The following CEP95 variants were observed in gnomAD, a reference collection of about 807,000 sequenced individuals.
CEP95 encodes centrosomal protein of 95 kDa.
In CEP95, 98 loss-of-function variants were observed where a neutral mutation model predicts 111.2. The observed-to-expected ratio is 0.88, with a 90% confidence interval of 0.75 to 1.04. CEP95 has a LOEUF of 1.04. Ranked by LOEUF, CEP95 falls within the 50% of genes least tolerant of loss-of-function variation. The pLI, the probability that CEP95 is intolerant of heterozygous loss-of-function variation, is 0.00. For missense variants in CEP95, 1,027 were observed against 977.2 expected, an observed-to-expected ratio of 1.05 and a Z score of -0.68; for synonymous variants, 323 against 327.1, an observed-to-expected ratio of 0.99 and a Z score of 0.14.
intron 1 of CEP95, chr17:64,508,319 A>G (rs573643647): frequency 2.0e-6 from 2 of 998,416 alleles, no homozygotes; most frequent in South Asian, 4.7e-5. Context: ...GTAACTTAAG[A>G]TTTTAGGCTG....
In CEP95 at chr17:64,508,036, A is replaced by G. The variant is rs1341872467; in HGVS notation, c.20-556A>G. 5 of 985,258 alleles carry G rather than the reference A, an allele frequency of 5.1e-6. No individual in the cohort carries two copies. In the East Asian group the frequency reaches 4.5e-4, roughly 89 times the overall value. The allele number at this position is 985,258 out of a possible 1,614,324, so 61.0% of individuals were successfully genotyped here. A position where few individuals can be genotyped will look rare whatever the true frequency, so the allele number is the denominator to read the frequency against. On this transcript the variant is annotated intron_variant, in intron 1 of 19. Coordinates refer to ENST00000556440, the MANE Select transcript of CEP95 (RefSeq NM_138363.3). ...CATATAGATCGATATAATAAAAAAG[A>G]AAAACTAACAAATGCATTACCGTTG...
intron 13 of CEP95, among the ~76,000 whole-genome samples, chr17:64,531,605 T>C (rs1361646719): frequency 2.0e-5 from 3 of 152,126 alleles, no homozygotes; most frequent in Admixed American, 1.3e-4. Flanking sequence ...AAAAGATTAA[T>C]AGTGGTTGTA....
intron 17 of CEP95, 65 bp from the exon 18 acceptor site, chr17:64,536,537 A>G (rs1467055035): frequency 1.7e-6 from 2 of 1,175,026 alleles, no homozygotes; most frequent in Non-Finnish European, 1.2e-6. Flanking sequence ...TACAATCAGT[A>G]TATACCTCTA....
At chr17:64,507,644 T>A (rs1182829632) in intron 1 of CEP95, 1 of 988,172 alleles carries the variant, frequency 1.0e-6, no homozygotes, top group Non-Finnish European at 1.2e-6. Context: ...TTAATTTGGT[T>A]GTCTAGGACG....
intron 7 of CEP95, 115 bp downstream of exon 7, chr17:64,521,642 A>G (rs1042920194): frequency 2.4e-6 from 2 of 849,718 alleles, no homozygotes; most frequent in South Asian, 4.7e-5. Flanking sequence ...TTGGTCTTAC[A>G]TGATCTTACT....
chr17:64,532,781 G>A, intron 14 of CEP95, 58 bp from the exon 15 acceptor site: 3 of 1,556,530 alleles, frequency 1.9e-6, no homozygotes, highest in East Asian at 4.5e-5. Context: ...TACCAGGGAT[G>A]TTGGATGACA....
At chr17:64,514,595 A>G (rs927025687) in intron 4 of CEP95, 7 of 416,606 alleles carry the variant, frequency 1.7e-5, no homozygotes, top group African/African-American at 4.1e-5. Flanking sequence ...AAACTAATTT[A>G]TACTAGAAAG....
At chr17:64,526,006 A>G in intron 9 of CEP95, 65 bp from the exon 10 acceptor site, 2 of 1,553,376 alleles carry the variant, frequency 1.3e-6, no homozygotes, top group Non-Finnish European at 1.7e-6. Flanking sequence ...TACGTATTAC[A>G]GTTATTTTAA....
chr17:64,518,557 T>A (rs1400795662), intron 5 of CEP95, among the ~76,000 whole-genome samples: 1 of 152,252 alleles, frequency 6.6e-6, no homozygotes, highest in African/African-American at 2.4e-5. Flanking sequence ...TTGATTGCAC[T>A]TCTTGCTAAC....
rs1555674497 is a variant in CEP95 at position 64,510,234 on chromosome 17, T to C, written c.210T>C (p.Asp70=). 6.2e-7 allele frequency: 1 copy of C among 1,612,110 alleles called. No individual in the cohort carries two copies. The highest frequency in any genetic ancestry group is 1.7e-5 in the Admixed American group (1 of 59,836). ...DDAHNVQAVI[D]SLALDYLQVS... is the part of the protein sequence containing the mutation. The stretch of plus-strand genomic sequence containing the variant: ...CACACAATGTACAAGCAGTAATTGA[T>C]TCACTGGCCTTGGACTACTTGCAGG... Residue 70 remains aspartate, a synonymous_variant, in exon 3 of 20, where the codon GAT becomes GAC. Coordinates refer to ENST00000556440, the MANE Select transcript of CEP95 (RefSeq NM_138363.3).
chr17:64,535,688 T>G (rs1968602882), intron 17 of CEP95: 1 of 152,074 alleles, frequency 6.6e-6, no homozygotes, highest in Non-Finnish European at 1.5e-5. Flanking sequence ...CCTCAGAAGG[T>G]TACCAAAAGG....
rs574499271 is a variant in CEP95 at position 64,537,584 on chromosome 17, A to T, written c.2290-19A>T. On this transcript the variant is annotated intron_variant, in intron 19 of 19. Transcript: ENST00000556440. Reference sequence around the variant, plus strand: ...GATAAATGCTGTGAACAGCGGGATGACATGCCTTCTTTTTTCAGACATTAC... The same window carrying T: ...GATAAATGCTGTGAACAGCGGGATGTCATGCCTTCTTTTTTCAGACATTAC... The T allele has an allele frequency of 6.3e-7, 1 of 1,576,790 alleles. No homozygotes were observed. The highest frequency in any genetic ancestry group is 2.3e-5 in the East Asian group (1 of 43,732).
rs1444409257 is a variant in CEP95, at chr17:64,507,552, C to A, written c.19+436C>A. On this transcript the variant is annotated intron_variant, in intron 1 of 19. Coordinates refer to ENST00000556440, the MANE Select transcript of CEP95 (RefSeq NM_138363.3). ...GCCCCTGCAGAATAGTAGAATATGCCCCTGTAGAATAGTTGTGCTTTTTTC... is the reference window on the plus strand; with the variant it reads ...GCCCCTGCAGAATAGTAGAATATGCACCTGTAGAATAGTTGTGCTTTTTTC... 6.6e-6 allele frequency: 7 copies of A among 1,056,772 alleles called. No individual in the cohort carries two copies. The East Asian group carries it at 5.2e-4, about 78-fold the overall frequency. The allele number at this position is 1,056,772 out of a possible 1,614,324, so 65.5% of individuals were successfully genotyped here. A position where few individuals can be genotyped will look rare whatever the true frequency, so the allele number is the denominator to read the frequency against.
intron 5 of CEP95, among the ~76,000 whole-genome samples, chr17:64,517,664 C>G (rs1433366728): frequency 6.7e-6 from 1 of 150,234 alleles, no homozygotes; most frequent in Non-Finnish European, 1.5e-5. Flanking sequence ...GCTGGGACCA[C>G]AGGTGTGCGC....
At chr17:64,508,512 GGTT>G in intron 1 of CEP95, 77 bp from the exon 2 acceptor site, 1 of 1,241,342 alleles carries the variant, frequency 8.1e-7, no homozygotes, top group Non-Finnish European at 1.0e-6. Flanking sequence ...TTGGGGGGGA[GGTT>G]GTTGGATTTT....
At chr17:64,532,108 A>G in intron 14 of CEP95, 86 bp downstream of exon 14, 2 of 1,398,958 alleles carry the variant, frequency 1.4e-6, no homozygotes, top group African/African-American at 1.5e-5. Flanking sequence ...ACTGAAAGCT[A>G]ACATCCACCA....
At chr17:64,532,297 T>A in intron 14 of CEP95, 1 of 1,154,984 alleles carries the variant, frequency 8.7e-7, no homozygotes, top group South Asian at 3.5e-5. Context: ...CTTACTCACT[T>A]TGACTGCCTT....
intron 6 of CEP95, among the ~76,000 whole-genome samples, chr17:64,520,234 A>T (rs1216537855): frequency 1.3e-5 from 2 of 152,104 alleles, no homozygotes; most frequent in Non-Finnish European, 2.9e-5. Flanking sequence ...TGTAAAATGA[A>T]TTACTTATTT....
intron 2 of CEP95, among the ~76,000 whole-genome samples, 171 bp downstream of exon 2, chr17:64,508,891 G>C (rs920036751): frequency 2.7e-5 from 4 of 149,434 alleles, no homozygotes; most frequent in Non-Finnish European, 5.9e-5. Flanking sequence ...AATAAATATT[G>C]TATATTAAAT....
Sources: gnomAD v4.1 joint callset for allele counts (sites outside exome capture counted in the v4.1 genomes callset) on GRCh38, gnomAD v4.1.1 for gene constraint, MANE v1.5 for transcripts, NCBI Gene and HGNC (gene_info 2026-07-23, HGNC 2026-07-21) for gene names.